The following CLASP2 variants were observed in gnomAD, a reference collection of about 807,000 sequenced individuals.
CLASP2 encodes the protein cytoplasmic linker associated protein 2, also known as CLIP-associating protein 2.
CLASP2 carries 47 observed loss-of-function variants against 194.4 expected under a neutral mutation model. That is an observed-to-expected ratio of 0.24 (90% CI 0.19 to 0.31). The LOEUF (loss-of-function observed/expected upper bound fraction) is 0.31, where lower values mean the gene tolerates loss of function less well. Ranked by LOEUF, CLASP2 falls within the 10% of genes least tolerant of loss-of-function variation. The probability of loss-of-function intolerance (pLI) is 1.00; values close to 1 mark genes in which losing one functional copy is unlikely to be tolerated. For synonymous variants in CLASP2, 619 were observed against 633.5 expected, an observed-to-expected ratio of 0.98 and a Z score of 0.34; for missense variants, 1,445 against 1,823.6, an observed-to-expected ratio of 0.79 and a Z score of 3.78.
chr3:33,641,794 T>C (rs1383496619), intron 8 of CLASP2, among the ~76,000 whole-genome samples: 1 of 7,188 alleles, frequency 1.4e-4, no homozygotes, highest in Non-Finnish European at 2.5e-4. Flanking sequence ...GAAAAGAGAT[T>C]TGTCAAACCC....
At chr3:33,690,126 T>C (rs2091179328) in intron 2 of CLASP2, among the ~76,000 whole-genome samples, 194 bp from the exon 3 acceptor site, 1 of 152,178 alleles carries the variant, frequency 6.6e-6, no homozygotes, top group Non-Finnish European at 1.5e-5. Flanking sequence ...TGCAGCATGA[T>C]ATCTCCTTAT....
chr3:33,610,246 A>C (rs1466951333), intron 13 of CLASP2, among the ~76,000 whole-genome samples: 1 of 152,172 alleles, frequency 6.6e-6, no homozygotes, highest in Non-Finnish European at 1.5e-5. Context: ...CCAAAAATCT[A>C]CAACTGTCAA....
intron 7 of CLASP2, among the ~76,000 whole-genome samples, chr3:33,657,434 C>T (rs1323595558): frequency 6.6e-6 from 1 of 151,840 alleles, no homozygotes; most frequent in Non-Finnish European, 1.5e-5. Context: ...ATATATTCCT[C>T]AACAGTCCAA....
At chr3:33,546,069 T>C (rs1236157157) in intron 30 of CLASP2, among the ~76,000 whole-genome samples, 1 of 152,224 alleles carries the variant, frequency 6.6e-6, no homozygotes, top group African/African-American at 2.4e-5. Flanking sequence ...ATACTTTTTT[T>C]TGGAACCACC....
At chr3:33,680,178 A>C (rs572976206) in intron 6 of CLASP2, among the ~76,000 whole-genome samples, 1 of 152,332 alleles carries the variant, frequency 6.6e-6, no homozygotes, top group South Asian at 2.1e-4. Flanking sequence ...AAAAAGATGA[A>C]TGTTGCCAAG....
chr3:33,518,800 C>G (rs753188844), intron 34 of CLASP2, among the ~76,000 whole-genome samples: 3 of 152,150 alleles, frequency 2.0e-5, no homozygotes, highest in African/African-American at 7.2e-5. Context: ...ATGATCTGGA[C>G]AGATGACTGG....
intron 6 of CLASP2, among the ~76,000 whole-genome samples, chr3:33,671,063 A>C (rs1324406762): frequency 6.6e-6 from 1 of 151,938 alleles, no homozygotes; most frequent in Non-Finnish European, 1.5e-5. Flanking sequence ...GAAATCCCGA[A>C]CTCCAGTCTC....
At chr3:33,660,276 G>T (rs931744447) in intron 7 of CLASP2, among the ~76,000 whole-genome samples, 5 of 152,124 alleles carry the variant, frequency 3.3e-5, no homozygotes, top group African/African-American at 1.2e-4. Context: ...CTTTCCTACA[G>T]GGCTGGTGTT....
At chr3:33,505,236 C>T (rs1356688953) in intron 37 of CLASP2, 1 of 147,618 alleles carries the variant, frequency 6.8e-6, no homozygotes, top group Admixed American at 6.9e-5. Context: ...AAAACAACAA[C>T]AACAACAACA....
chr3:33,589,970 T>C (rs1377420316), intron 21 of CLASP2, among the ~76,000 whole-genome samples: 1 of 152,192 alleles, frequency 6.6e-6, no homozygotes, highest in African/African-American at 2.4e-5. Context: ...TCATTGTTTA[T>C]TTCTCTGTTT....
At chr3:33,551,205 T>A (rs1283805158) in intron 30 of CLASP2, 47 bp downstream of exon 30, 2 of 1,541,360 alleles carry the variant, frequency 1.3e-6, no homozygotes, top group Non-Finnish European at 1.8e-6. Flanking sequence ...CCATAATAAC[T>A]GACTTGCTTT....
chr3:33,672,585 G>A (rs1431805164), intron 6 of CLASP2, among the ~76,000 whole-genome samples: 3 of 152,208 alleles, frequency 2.0e-5, no homozygotes, highest in African/African-American at 7.2e-5. Context: ...ACGGAACAAA[G>A]CTGGATGGAG....
Position 33,696,784 on chromosome 3 carries a change from A to C in CLASP2, c.274+71T>G, listed in dbSNP as rs185887359. The C allele has an allele frequency of 4.8e-6, 5 of 1,040,844 alleles. No homozygotes were observed. In the Admixed American group the frequency reaches 1.1e-4, roughly 23 times the overall value. The allele number at this position is 1,040,844 out of a possible 1,614,324, so 64.5% of individuals were successfully genotyped here. On this transcript the variant is annotated intron_variant, in intron 2 of 38. Transcript: ENST00000682230. ...AATTTACAGAGAACTATTTCTGCTAAATAAAAACTAACGAAAAAAGTCATC... is the reference window on the plus strand; with the variant it reads ...AATTTACAGAGAACTATTTCTGCTACATAAAAACTAACGAAAAAAGTCATC...
intron 6 of CLASP2, among the ~76,000 whole-genome samples, chr3:33,679,093 A>G (rs1559617770): frequency 6.6e-6 from 1 of 152,196 alleles, no homozygotes. Flanking sequence ...CATAAATATG[A>G]TAAAAGTGAT....
chr3:33,671,135 T>A (rs1028582387), intron 6 of CLASP2, among the ~76,000 whole-genome samples: 1 of 152,072 alleles, frequency 6.6e-6, no homozygotes, highest in Non-Finnish European at 1.5e-5. Flanking sequence ...TAGCTAGCCA[T>A]TCTGTCCCAC....
intron 30 of CLASP2, among the ~76,000 whole-genome samples, chr3:33,545,355 A>G (rs1476648013): frequency 6.6e-6 from 1 of 152,216 alleles, no homozygotes; most frequent in Non-Finnish European, 1.5e-5. Flanking sequence ...AAACTTTGAA[A>G]TTCAAATTAT....
intron 7 of CLASP2, chr3:33,645,455 C>T (rs1242506539): frequency 6.0e-6 from 4 of 668,654 alleles, no homozygotes; most frequent in Non-Finnish European, 1.1e-5. Flanking sequence ...GAGGTTTGTG[C>T]CGGCATTTTT....
At chr3:33,514,267 G>A (rs754965704) in intron 36 of CLASP2, among the ~76,000 whole-genome samples, 3 of 151,916 alleles carry the variant, frequency 2.0e-5, no homozygotes, top group South Asian at 2.1e-4. Context: ...GATTACAGGC[G>A]TAAGCCACCA....
At chr3:33,675,997 G>C (rs1317591420) in intron 6 of CLASP2, among the ~76,000 whole-genome samples, 1 of 151,404 alleles carries the variant, frequency 6.6e-6, no homozygotes, top group African/African-American at 2.4e-5. Context: ...TCGTGAAAAT[G>C]GCCATACTGC....
Sources: gnomAD v4.1 joint callset for allele counts (sites outside exome capture counted in the v4.1 genomes callset) on GRCh38, gnomAD v4.1.1 for gene constraint, MANE v1.5 for transcripts, NCBI Gene and HGNC (gene_info 2026-07-23, HGNC 2026-07-21) for gene names.